Variants in EYS observed in about 807,000 individuals in gnomAD.
EYS encodes EGF-like photoreceptor maintenance factor.
Under a neutral mutation model 282.1 loss-of-function variants are expected in EYS, and 250 were observed. The ratio of observed to expected loss-of-function variants is 0.89; its 90% CI spans 0.80 to 0.98. The LOEUF (loss-of-function observed/expected upper bound fraction) is 0.98, where lower values mean the gene tolerates loss of function less well. Among genes scored for constraint, EYS ranks in the 50% least tolerant of loss-of-function variants. EYS has a pLI of 0.00. For missense variants in EYS, 4,016 were observed against 3,709.0 expected (o/e 1.08, Z -2.15); for synonymous variants, 1,355 against 1,282.9 (o/e 1.06, Z -1.20).
At chr6:63,757,853 T>A (rs1280963521) in intron 41 of EYS, among the ~76,000 whole-genome samples, 1 of 152,172 alleles carries the variant, frequency 6.6e-6, no homozygotes, top group Non-Finnish European at 1.5e-5. Context: ...AAATATTATT[T>A]AAAATTTAAC....
chr6:64,836,402 T>C (rs1172744474), intron 19 of EYS, among the ~76,000 whole-genome samples: 3 of 151,426 alleles, frequency 2.0e-5, no homozygotes, highest in African/African-American at 7.3e-5. Flanking sequence ...ATTTCACCAA[T>C]AAAAATAACT....
At chr6:63,727,102 T>A (rs981525305) in intron 41 of EYS, among the ~76,000 whole-genome samples, 1 of 152,202 alleles carries the variant, frequency 6.6e-6, no homozygotes, top group Admixed American at 6.5e-5. Flanking sequence ...TATTTCTGAT[T>A]CAAATACAGA....
chr6:64,056,269 C>T (rs995513481), intron 33 of EYS, among the ~76,000 whole-genome samples: 3 of 152,140 alleles, frequency 2.0e-5, no homozygotes, highest in African/African-American at 7.2e-5. Flanking sequence ...GTTTCAGGGG[C>T]TGAGAATACA....
intron 8 of EYS, among the ~76,000 whole-genome samples, chr6:65,367,869 T>C (rs906259909): frequency 4.6e-5 from 7 of 151,784 alleles, no homozygotes; most frequent in Admixed American, 2.7e-4. Flanking sequence ...ATATCATGCA[T>C]GTAAAGGTAA....
intron 12 of EYS, among the ~76,000 whole-genome samples, chr6:65,059,372 T>A (rs747245972): frequency 6.6e-6 from 1 of 152,130 alleles, no homozygotes; most frequent in Non-Finnish European, 1.5e-5. Flanking sequence ...ATAGGTCATA[T>A]GCATTTGCTA....
chr6:65,202,184 A>G (rs1765919783), intron 12 of EYS, among the ~76,000 whole-genome samples: 1 of 152,112 alleles, frequency 6.6e-6, no homozygotes, highest in South Asian at 2.1e-4. Flanking sequence ...ATAATGTATC[A>G]TGCTAATTTT....
chr6:65,225,573 G>A (rs953626893), intron 12 of EYS, among the ~76,000 whole-genome samples: 2 of 151,702 alleles, frequency 1.3e-5, no homozygotes, highest in African/African-American at 4.8e-5. Flanking sequence ...AATTGGCCAG[G>A]CATGGTGGTG....
At chr6:64,817,668 T>C (rs76407447) in intron 21 of EYS, among the ~76,000 whole-genome samples, 3 of 152,154 alleles carry the variant, frequency 2.0e-5, no homozygotes, top group African/African-American at 7.2e-5. Context: ...AGGTGTTGAA[T>C]GTTTAGCTGT....
chr6:65,120,150 T>TAAAAAA (rs1775492216), intron 12 of EYS, among the ~76,000 whole-genome samples: 1 of 70,378 alleles, frequency 1.4e-5, no homozygotes. Context: ...AGACTCCGTC[T>TAAAAAA]CAAAAAAAAA....
intron 2 of EYS, among the ~76,000 whole-genome samples, chr6:65,522,746 C>T (rs1447652300): frequency 6.6e-6 from 1 of 151,870 alleles, no homozygotes; most frequent in African/African-American, 2.4e-5. Context: ...TTGATCTTCC[C>T]TTATATTCTC....
intron 19 of EYS, among the ~76,000 whole-genome samples, chr6:64,857,421 C>T (rs967489751): frequency 3.2e-4 from 49 of 152,138 alleles, no homozygotes; most frequent in African/African-American, 8.4e-4. Context: ...TTATTGCAAA[C>T]GACAGAATTC....
intron 12 of EYS, among the ~76,000 whole-genome samples, chr6:65,196,829 T>C (rs686041): frequency 0.022 from 3,347 of 152,084 alleles, 111 homozygotes; most frequent in African/African-American, 0.077. Context: ...GAGTAATAAT[T>C]GCGAACGTTT....
chr6:65,599,516 C>T (rs1223522251), intron 2 of EYS, among the ~76,000 whole-genome samples: 1 of 151,930 alleles, frequency 6.6e-6, no homozygotes, highest in East Asian at 1.9e-4. Context: ...GTCCTTGATC[C>T]ATCTTTGTGA....
intron 41 of EYS, among the ~76,000 whole-genome samples, chr6:63,754,089 C>T (rs73762468): frequency 0.038 from 5,856 of 152,228 alleles, 391 homozygotes; most frequent in African/African-American, 0.13. Context: ...TTTCCCTGAA[C>T]TTTTATCTAA....
In EYS at chr6:65,017,460, CT is replaced by C. The variant is rs567800735; in HGVS notation, c.2138-19758del. Among the ~76,000 whole-genome samples, 31 of 152,032 alleles carry C rather than the reference CT, an allele frequency of 2.0e-4. 1 individual carries two copies. The South Asian group carries it at 6.2e-3, about 31-fold the overall frequency. ...ATGTTCATGTATGTTCTTTCTTGAC[CT>C]CATTAAATAGCAAATGAATTGATTT... is the stretch of plus-strand genomic sequence containing the variant. On this transcript the variant is annotated intron_variant, in intron 13 of 42. Coordinates refer to ENST00000503581, the MANE Select transcript of EYS (RefSeq NM_001142800.2).
intron 35 of EYS, among the ~76,000 whole-genome samples, chr6:63,967,703 TC>T (rs1766372887): frequency 6.6e-6 from 1 of 152,186 alleles, no homozygotes; most frequent in Non-Finnish European, 1.5e-5. Flanking sequence ...CCATAATTAA[TC>T]CCCATAAGCA....
At chr6:65,465,167 T>C (rs951406695) in intron 5 of EYS, among the ~76,000 whole-genome samples, 1 of 151,950 alleles carries the variant, frequency 6.6e-6, no homozygotes, top group African/African-American at 2.4e-5. Flanking sequence ...ATAAATGAGA[T>C]AAAAAGATAG....
intron 35 of EYS, among the ~76,000 whole-genome samples, chr6:63,967,443 T>C (rs1582048002): frequency 6.6e-6 from 1 of 152,218 alleles, no homozygotes; most frequent in African/African-American, 2.4e-5. Context: ...AAAACTGTGG[T>C]ATAGCCACAT....
intron 19 of EYS, among the ~76,000 whole-genome samples, chr6:64,840,357 A>C (rs1450809571): frequency 6.6e-6 from 1 of 152,130 alleles, no homozygotes; most frequent in African/African-American, 2.4e-5. Context: ...CTTGCAGTCT[A>C]TGATTTCTGA....
Sources: gnomAD v4.1 joint callset for allele counts (sites outside exome capture counted in the v4.1 genomes callset) on GRCh38, gnomAD v4.1.1 for gene constraint, MANE v1.5 for transcripts, NCBI Gene and HGNC (gene_info 2026-07-23, HGNC 2026-07-21) for gene names.